Variants in RALYL observed in about 807,000 individuals in gnomAD.
The protein encoded by RALYL is RNA-binding Raly-like protein.
In RALYL, 29 loss-of-function variants were observed where a neutral mutation model predicts 35.1. The ratio of observed to expected loss-of-function variants is 0.83; its 90% CI spans 0.61 to 1.13. The LOEUF (loss-of-function observed/expected upper bound fraction) is 1.13, where lower values mean the gene tolerates loss of function less well. Among genes scored for constraint, RALYL ranks in the 50% most tolerant of loss-of-function variants. The pLI, the probability that RALYL is intolerant of heterozygous loss-of-function variation, is 0.00. For missense variants in RALYL, 359 were observed against 360.4 expected, an observed-to-expected ratio of 1.00 and a Z score of 0.03; for synonymous variants, 120 against 127.6, an observed-to-expected ratio of 0.94 and a Z score of 0.40.
chr8:84,823,165 CTG>C (rs1828888582), intron 4 of RALYL, among the ~76,000 whole-genome samples: 1 of 151,990 alleles, frequency 6.6e-6, no homozygotes, highest in Non-Finnish European at 1.5e-5. Flanking sequence ...AAGTATCAGA[CTG>C]TGATAGATTG....
chr8:84,755,668 C>T lies in RALYL; in HGVS notation c.257-18911C>T, dbSNP rs1169016660. Among the ~76,000 whole-genome samples the T allele has an allele frequency of 5.3e-5, 8 of 151,874 alleles. 1 individual carries two copies. In the Middle Eastern group the frequency reaches 0.01, roughly 195 times the overall value. On this transcript the variant is annotated intron_variant, in intron 2 of 8. Transcript: ENST00000521268. ...TGTTAAGTGATAAGAAATCATCTGC[C>T]AATGTTGTTTCTTAATATTTAATCA...
intron 1 of RALYL, among the ~76,000 whole-genome samples, chr8:84,275,153 A>G (rs1160082201): frequency 6.6e-6 from 1 of 152,166 alleles, no homozygotes; most frequent in East Asian, 1.9e-4. Flanking sequence ...AGAGAATTCT[A>G]TTACAAGTAT....
At chr8:84,518,978 G>A (rs1343931254) in intron 1 of RALYL, among the ~76,000 whole-genome samples, 2 of 152,178 alleles carry the variant, frequency 1.3e-5, no homozygotes, top group Non-Finnish European at 2.9e-5. Flanking sequence ...GGAGAAAGAT[G>A]TTTTATTCAG....
At chr8:84,306,392 C>G (rs145717234) in intron 1 of RALYL, among the ~76,000 whole-genome samples, 5 of 152,242 alleles carry the variant, frequency 3.3e-5, no homozygotes, top group African/African-American at 1.2e-4. Flanking sequence ...GGAACCATGT[C>G]TATCAGGCGA....
chr8:84,287,335 T>C (rs1434517935), intron 1 of RALYL, among the ~76,000 whole-genome samples: 1 of 30,890 alleles, frequency 3.2e-5, no homozygotes, highest in Non-Finnish European at 6.6e-5. Flanking sequence ...AGGAAGATCA[T>C]TGAAATCGTC....
chr8:84,649,352 GC>G lies in RALYL; in HGVS notation c.256+119778del, dbSNP rs367962837. 5.0e-4 allele frequency among the ~76,000 whole-genome samples: 76 copies of G among 151,998 alleles called. 1 individual carries two copies. In the East Asian group the frequency reaches 0.014, roughly 28 times the overall value. On this transcript the variant is annotated intron_variant, in intron 2 of 8. Transcript: ENST00000521268. ...TTGGTGTTTTAGACATGAAGTCCTT[GC>G]CCATGCCTATGTCCTGAATGGTAAT...
At chr8:84,537,821 G>A (rs892880565) in intron 2 of RALYL, among the ~76,000 whole-genome samples, 1 of 152,154 alleles carries the variant, frequency 6.6e-6, no homozygotes, top group Non-Finnish European at 1.5e-5. Flanking sequence ...TGTACTTAAA[G>A]AGAGCAGGTT....
intron 2 of RALYL, among the ~76,000 whole-genome samples, chr8:84,728,158 T>G (rs577697406): frequency 2.2e-4 from 33 of 151,716 alleles, no homozygotes; most frequent in Middle Eastern, 6.8e-3. Flanking sequence ...TTTTTAATGA[T>G]TGCCATTCTA....
intron 2 of RALYL, among the ~76,000 whole-genome samples, chr8:84,643,371 C>T (rs1826808778): frequency 6.6e-6 from 1 of 152,062 alleles, no homozygotes; most frequent in Non-Finnish European, 1.5e-5. Flanking sequence ...CCAACTAACT[C>T]ACTTAGTTCC....
intron 2 of RALYL, among the ~76,000 whole-genome samples, chr8:84,673,094 T>G (rs1451989804): frequency 1.3e-5 from 2 of 152,236 alleles, no homozygotes; most frequent in Non-Finnish European, 2.9e-5. Context: ...GGTATCTCAT[T>G]GTGATTTTGA....
chr8:84,727,260 G>T (rs767755925), intron 2 of RALYL, among the ~76,000 whole-genome samples: 1 of 151,940 alleles, frequency 6.6e-6, no homozygotes, highest in Non-Finnish European at 1.5e-5. Context: ...ATGATTCTGC[G>T]CTTCTGAATT....
chr8:84,556,187 G>A (rs182308880), intron 2 of RALYL, among the ~76,000 whole-genome samples: 23 of 152,262 alleles, frequency 1.5e-4, no homozygotes, highest in Admixed American at 1.3e-3. Flanking sequence ...TGCATTTTGC[G>A]TGTACTTTTC....
intron 2 of RALYL, among the ~76,000 whole-genome samples, chr8:84,733,799 G>C (rs1846696003): frequency 1.3e-5 from 2 of 152,192 alleles, no homozygotes; most frequent in South Asian, 4.1e-4. Flanking sequence ...CTGGTGAATG[G>C]TGGTTAGCAT....
intron 1 of RALYL, among the ~76,000 whole-genome samples, chr8:84,396,150 A>G (rs1861706533): frequency 1.3e-5 from 2 of 151,810 alleles, no homozygotes; most frequent in African/African-American, 4.8e-5. Flanking sequence ...AACATGTTTG[A>G]GTTTGTTGTA....
At chr8:84,263,182 T>C (rs1443372432) in intron 1 of RALYL, among the ~76,000 whole-genome samples, 2 of 152,212 alleles carry the variant, frequency 1.3e-5, no homozygotes, top group East Asian at 3.8e-4. Context: ...TTCAAAGTTC[T>C]AAGTAAATAT....
chr8:84,225,933 G>A (rs1474114182), intron 1 of RALYL, among the ~76,000 whole-genome samples: 1 of 152,182 alleles, frequency 6.6e-6, no homozygotes, highest in South Asian at 2.1e-4. Context: ...TGACTGAGAA[G>A]AAATGAGAAG....
At chr8:84,776,140 A>C (rs904721941) in intron 3 of RALYL, among the ~76,000 whole-genome samples, 1 of 152,220 alleles carries the variant, frequency 6.6e-6, no homozygotes, top group African/African-American at 2.4e-5. Context: ...TAGTATAGTA[A>C]GAAGAGTGCT....
chr8:84,730,677 A>G (rs1845997685), intron 2 of RALYL, among the ~76,000 whole-genome samples: 2 of 152,058 alleles, frequency 1.3e-5, no homozygotes, highest in African/African-American at 4.8e-5. Flanking sequence ...ATTTCATTCC[A>G]CTTACCATGA....
At chr8:84,329,434 C>T (rs1405178109) in intron 1 of RALYL, among the ~76,000 whole-genome samples, 1 of 151,980 alleles carries the variant, frequency 6.6e-6, no homozygotes, top group Non-Finnish European at 1.5e-5. Flanking sequence ...GCTCTTTGCC[C>T]ACTTTTTATG....
Sources: allele counts gnomAD v4.1 joint callset (sites outside exome capture counted in the v4.1 genomes callset), GRCh38; gene constraint gnomAD v4.1.1; transcripts MANE v1.5; gene names NCBI Gene and HGNC (gene_info 2026-07-23, HGNC 2026-07-21).